GPHN: variants seen among roughly 807,000 people sequenced by gnomAD.
GPHN encodes gephyrin.
In GPHN, 17 loss-of-function variants were observed where a neutral mutation model predicts 95.5. The observed-to-expected ratio is 0.18, with a 90% CI of 0.12 to 0.27. GPHN has a LOEUF of 0.27. Ranked by LOEUF, GPHN falls within the 10% of genes least tolerant of loss-of-function variation. GPHN has a pLI of 1.00. For synonymous variants in GPHN, 320 were observed against 322.5 expected (o/e 0.99, Z 0.08); for missense variants, 660 against 978.1 (o/e 0.67, Z 4.34).
chr14:67,353,543 A>G, the GPHN span, among the ~76,000 whole-genome samples: 1 of 151,988 alleles, frequency 6.6e-6, no homozygotes, highest in South Asian at 2.1e-4. Context: ...GCTGGAGTGC[A>G]ATGGCGCGAT....
rs940703934 is a variant in GPHN, at chr14:66,708,569, T to G, written c.143+27384T>G. On this transcript the variant is annotated intron_variant, in intron 2 of 22. Coordinates refer to ENST00000478722, the MANE Select transcript of GPHN (RefSeq NM_020806.5). Reference sequence around the variant, plus strand: ...ACTCCCCTTTAGGGAAATTAAATATTTATATATTTTAAGCATTTCAGTATT... The same window carrying G: ...ACTCCCCTTTAGGGAAATTAAATATGTATATATTTTAAGCATTTCAGTATT... Among the ~76,000 whole-genome samples, 4 of 152,228 alleles carry G rather than the reference T, an allele frequency of 2.6e-5. No individual in the cohort carries two copies. The East Asian group carries it at 7.7e-4, about 29-fold the overall frequency.
At chr14:66,890,323 A>C (rs780345590) in intron 5 of GPHN, among the ~76,000 whole-genome samples, 2 of 150,062 alleles carry the variant, frequency 1.3e-5, no homozygotes, top group Non-Finnish European at 3.0e-5. Context: ...CAGGAGGATC[A>C]CTTGAGCCCA....
intron 1 of GPHN, among the ~76,000 whole-genome samples, chr14:66,623,887 G>A (rs1162749490): frequency 6.6e-6 from 1 of 152,108 alleles, no homozygotes; most frequent in Non-Finnish European, 1.5e-5. Context: ...AAGATGAAGG[G>A]GAAGAGCTAC....
chr14:67,380,048 G>A, the GPHN span, among the ~76,000 whole-genome samples: 2 of 152,082 alleles, frequency 1.3e-5, no homozygotes, highest in Admixed American at 1.3e-4. Context: ...TGAGTCACTG[G>A]TGCCCAGCCT....
At chr14:66,806,623 C>G (rs537833632) in intron 3 of GPHN, among the ~76,000 whole-genome samples, 1 of 152,326 alleles carries the variant, frequency 6.6e-6, no homozygotes, top group East Asian at 1.9e-4. Flanking sequence ...CCTAAATCAT[C>G]TCTCTCAAGT....
chr14:67,365,069 C>A, the GPHN span: 4 of 1,468,986 alleles, frequency 2.7e-6, no homozygotes, highest in East Asian at 7.6e-5. Flanking sequence ...TTTAAAAATA[C>A]ATTTTTTGTA....
chr14:66,772,740 A>G (rs1197857953), intron 2 of GPHN, among the ~76,000 whole-genome samples: 2 of 152,214 alleles, frequency 1.3e-5, no homozygotes, highest in Non-Finnish European at 2.9e-5. Context: ...TTTCTGATAT[A>G]TGTTTTTAAA....
chr14:66,654,959 A>T (rs909156259), intron 1 of GPHN, among the ~76,000 whole-genome samples: 1 of 152,110 alleles, frequency 6.6e-6, no homozygotes, highest in Non-Finnish European at 1.5e-5. Context: ...TGGTTTCTCT[A>T]TTCTGTTTCA....
the GPHN span, among the ~76,000 whole-genome samples, chr14:67,336,965 T>C: frequency 0.19 from 29,128 of 152,122 alleles, 4,489 homozygotes; most frequent in East Asian, 0.48. Flanking sequence ...GGTGTAAAAA[T>C]TCTGAAGGTA....
rs578100104 is a variant in GPHN at position 66,863,619 on chromosome 14, ACACATAGAC to A, written c.295-16317_295-16309del. On this transcript the variant is annotated intron_variant, in intron 4 of 22. Transcript: ENST00000478722. ...CAGCATGGTACTGGCATAAAAACAG[ACACATAGAC>A]CAATGGAACAGAATAGAGAATCTAA... is the stretch of plus-strand genomic sequence containing the variant. 2.1e-3 allele frequency among the ~76,000 whole-genome samples: 320 copies of A among 152,316 alleles called. 1 individual carries two copies. The highest frequency in any genetic ancestry group is 3.7e-3 in the South Asian group (18 of 4,832).
chr14:67,627,727 G>C, the GPHN span, among the ~76,000 whole-genome samples: 1 of 152,148 alleles, frequency 6.6e-6, no homozygotes, highest in Admixed American at 6.6e-5. Flanking sequence ...TTGAGGCCAG[G>C]AGTTTAAGAT....
At chr14:67,547,588 C>T in the GPHN span, among the ~76,000 whole-genome samples, 4 of 152,100 alleles carry the variant, frequency 2.6e-5, no homozygotes, top group Middle Eastern at 3.2e-3. Flanking sequence ...CCCAGCTGGC[C>T]CTGGGACATT....
chr14:67,192,707 T>C, the GPHN span, among the ~76,000 whole-genome samples: 1 of 151,410 alleles, frequency 6.6e-6, no homozygotes, highest in Non-Finnish European at 1.5e-5. Context: ...TGATAGCTGC[T>C]GTTTTAAAAA....
At chr14:66,839,595 A>G (rs1040256826) in intron 4 of GPHN, among the ~76,000 whole-genome samples, 9 of 152,184 alleles carry the variant, frequency 5.9e-5, no homozygotes, top group Non-Finnish European at 1.3e-4. Context: ...TTAGTTTTGA[A>G]TATTGTATAA....
At chr14:67,672,603 C>T in the GPHN span, among the ~76,000 whole-genome samples, 3 of 150,438 alleles carry the variant, frequency 2.0e-5, no homozygotes, top group South Asian at 4.2e-4. Context: ...ACACCATGCC[C>T]GGCTAATTTT....
At chr14:67,267,991 AGT>A in the GPHN span, among the ~76,000 whole-genome samples, 1 of 152,146 alleles carries the variant, frequency 6.6e-6, no homozygotes, top group Admixed American at 6.5e-5. Context: ...GCTGAAGGAT[AGT>A]GTGTGGTTTT....
At chr14:67,431,971 C>T in the GPHN span, among the ~76,000 whole-genome samples, 4 of 152,080 alleles carry the variant, frequency 2.6e-5, no homozygotes, top group African/African-American at 4.8e-5. Context: ...GTTCATGTTG[C>T]GCTCACAGTG....
chr14:66,618,969 A>G (rs998080154), intron 1 of GPHN, among the ~76,000 whole-genome samples: 3 of 152,186 alleles, frequency 2.0e-5, no homozygotes, highest in African/African-American at 7.2e-5. Context: ...TCTTTTTCCC[A>G]TAATGATCAG....
intron 8 of GPHN, among the ~76,000 whole-genome samples, chr14:66,952,836 A>G (rs1596487404): frequency 1.3e-5 from 2 of 152,060 alleles, no homozygotes; most frequent in African/African-American, 4.8e-5. Flanking sequence ...CTAGGATTAC[A>G]GGTGCCCGGC....
Sources: gnomAD v4.1 joint callset for allele counts (sites outside exome capture counted in the v4.1 genomes callset) on GRCh38, gnomAD v4.1.1 for gene constraint, MANE v1.5 for transcripts, NCBI Gene and HGNC (gene_info 2026-07-23, HGNC 2026-07-21) for gene names.